Variants in APOL3 observed in about 807,000 individuals in gnomAD.
The protein encoded by APOL3 is apolipoprotein L3.
A neutral mutation model predicts 11.6 loss-of-function variants in APOL3; 14 were observed. The observed-to-expected ratio is 1.21, with a 90% CI of 0.80 to 1.89. The LOEUF is 1.89. Ranked by LOEUF, APOL3 falls within the 40% of genes most tolerant of loss-of-function variation. APOL3 has a pLI of 0.00. For missense variants in APOL3, 483 were observed against 492.1 expected, an observed-to-expected ratio of 0.98 and a Z score of 0.17; for synonymous variants, 192 against 190.6, an observed-to-expected ratio of 1.01 and a Z score of -0.06.
At chr22:36,141,074 G>T (rs1437620425) in exon 3 of APOL3, 11 of 1,418,160 alleles carry the variant, frequency 7.8e-6, no homozygotes, top group African/African-American at 1.4e-5. Context: ...CTACAGAAAT[G>T]CCAAAGTCAC....
chr22:36,162,735 T>C (rs1334157887), upstream of APOL3, among the ~76,000 whole-genome samples: 1 of 152,222 alleles, frequency 6.6e-6, no homozygotes, highest in East Asian at 1.9e-4. Context: ...CTGAGATTAC[T>C]GGTCCAGAAC....
chr22:36,156,326 G>A (rs1327557902), intron 1 of APOL3, among the ~76,000 whole-genome samples: 1 of 152,086 alleles, frequency 6.6e-6, no homozygotes, highest in African/African-American at 2.4e-5. Flanking sequence ...TGAACTCCTG[G>A]GTTCGAGGGA....
exon 3 of APOL3, chr22:36,141,844 C>T (rs759613775): frequency 1.9e-6 from 3 of 1,614,236 alleles, no homozygotes; most frequent in South Asian, 2.2e-5. Flanking sequence ...CTGGACACCA[C>T]ATTGGAGATG....
intron 1 of APOL3, among the ~76,000 whole-genome samples, chr22:36,150,746 G>A (rs527693418): frequency 6.6e-5 from 10 of 152,300 alleles, no homozygotes; most frequent in Admixed American, 2.6e-4. Flanking sequence ...TTAGCTGGGC[G>A]TGGTGGCGTG....
intron 1 of APOL3, among the ~76,000 whole-genome samples, chr22:36,154,272 C>A (rs1431191681): frequency 1.3e-5 from 2 of 152,256 alleles, no homozygotes; most frequent in African/African-American, 4.8e-5. Flanking sequence ...TAGAATCTTA[C>A]TTTTGGTTTA....
At chr22:36,145,705 T>TG in intron 1 of APOL3, 106 bp from the exon 3 acceptor site, 1 of 1,432,192 alleles carries the variant, frequency 7.0e-7, no homozygotes, top group Non-Finnish European at 9.5e-7. Flanking sequence ...AGCTGTCACA[T>TG]GGGGTATTTT....
chr22:36,158,961 G>C (rs1037907027), intron 1 of APOL3, among the ~76,000 whole-genome samples: 1 of 91,836 alleles, frequency 1.1e-5, no homozygotes, highest in Admixed American at 1.2e-4. Context: ...GCAGGTGTGA[G>C]TGTGCGTGTG....
At chr22:36,165,667 A>G (rs1391354287), upstream of APOL3, 1 of 152,176 alleles carries the variant, frequency 6.6e-6, no homozygotes, top group Non-Finnish European at 1.5e-5. Flanking sequence ...ACACAAGGTT[A>G]CCGCGAGGTC....
rs530361072 is a variant in APOL3, at chr22:36,156,462, G to A, written c.223+4207C>T. Among the ~76,000 whole-genome samples the A allele has an allele frequency of 3.9e-3, 597 of 152,222 alleles. 1 individual carries two copies. The highest frequency in any genetic ancestry group is 6.9e-3 in the Non-Finnish European group (467 of 68,008). ...TTCAACCCCTTAACTGGGCACACGG[G>A]CTCCTACTTTCCTCACTGCTCCCTG... On this transcript the variant is annotated intron_variant, in intron 1 of 2. Coordinates refer to ENST00000349314, the Ensembl canonical transcript of APOL3.
intron 1 of APOL3, among the ~76,000 whole-genome samples, chr22:36,146,988 T>C (rs2060245550): frequency 6.6e-6 from 1 of 152,066 alleles, no homozygotes. Context: ...CTCATTCTCA[T>C]TTCACAGAAG....
intron 1 of APOL3, among the ~76,000 whole-genome samples, chr22:36,146,676 T>C (rs1186265079): frequency 6.6e-6 from 1 of 152,108 alleles, no homozygotes; most frequent in Non-Finnish European, 1.5e-5. Context: ...ATATGCTGTA[T>C]CACTGACCAC....
intron 2 of APOL3, among the ~76,000 whole-genome samples, chr22:36,143,431 T>A (rs531210617): frequency 6.6e-6 from 1 of 152,270 alleles, no homozygotes; most frequent in South Asian, 2.1e-4. Context: ...CAAACCTGAG[T>A]GGGGGCTTAA....
chr22:36,146,923 T>C (rs1268268038), intron 1 of APOL3, among the ~76,000 whole-genome samples: 3 of 152,144 alleles, frequency 2.0e-5, no homozygotes, highest in African/African-American at 7.2e-5. Context: ...TGGATTTATG[T>C]ATGCACTGGG....
At chr22:36,142,047 T>C in exon 3 of APOL3, 1 of 1,611,462 alleles carries the variant, frequency 6.2e-7, no homozygotes. Context: ...GTAGAGAGCA[T>C]CTGCCTCATC....
In APOL3 at chr22:36,145,595, C is replaced by A. The variant is rs2060167611; in HGVS notation, c.228G>T (p.Lys76Asn). The change falls in exon 2 of 3, where the codon AAG becomes AAT. Residue 76 changes from lysine (K) to asparagine (N), a missense_variant. Transcript: ENST00000349314. The stretch of plus-strand genomic sequence containing the variant: ...TGGTGGCCTCTTCAGTAAAGCGTTT[C>A]TTTTCTACTTGGAAACAAAAAGCAT... 3.1e-6 allele frequency: 5 copies of A among 1,613,360 alleles called. No homozygotes were observed. The South Asian group carries it at 3.3e-5, about 11-fold the overall frequency.
intron 1 of APOL3, among the ~76,000 whole-genome samples, chr22:36,150,774 A>G (rs1351259883): frequency 2.0e-5 from 3 of 152,154 alleles, no homozygotes; most frequent in Admixed American, 6.5e-5. Context: ...AATCCCAGTT[A>G]CCCGGGAGGC....
At chr22:36,163,758 G>A (rs527946684), upstream of APOL3, among the ~76,000 whole-genome samples, 1 of 152,354 alleles carries the variant, frequency 6.6e-6, no homozygotes, top group East Asian at 1.9e-4. Context: ...CTTGATCTCA[G>A]TGCTGTGTAT....
Position 36,149,223 on chromosome 22 carries a change from CA to C in APOL3, c.224-3625del, listed in dbSNP as rs573879674. 54 of 1,309,510 alleles carry C rather than the reference CA, an allele frequency of 4.1e-5. No homozygotes were observed. In the East Asian group the frequency reaches 2.9e-3, roughly 70 times the overall value. The allele number at this position is 1,309,510 out of a possible 1,614,324, so 81.1% of individuals were successfully genotyped here. A position where few individuals can be genotyped will look rare whatever the true frequency, so the allele number is the denominator to read the frequency against. ...GGAGGTTGGAGGGGCTGGATCTCTG[CA>C]ATCCCTTTGCGTGTCAGCAAATGCC... On this transcript the variant is annotated intron_variant, in intron 1 of 2. Transcript: ENST00000349314.
chr22:36,143,192 A>T (rs1189590293), intron 2 of APOL3, among the ~76,000 whole-genome samples: 1 of 152,234 alleles, frequency 6.6e-6, no homozygotes, highest in Non-Finnish European at 1.5e-5. Flanking sequence ...TTTTTCCTTA[A>T]CTGGGTGAGC....
Sources: gnomAD v4.1 joint callset for allele counts (sites outside exome capture counted in the v4.1 genomes callset) on GRCh38, gnomAD v4.1.1 for gene constraint, MANE v1.5 for transcripts, NCBI Gene and HGNC (gene_info 2026-07-23, HGNC 2026-07-21) for gene names.